MLPH: variants seen among roughly 807,000 people sequenced by gnomAD.
MLPH encodes the protein melanophilin, also known as exophilin-3.
In MLPH, 51 loss-of-function variants were observed where a neutral mutation model predicts 72.1. That is an observed-to-expected ratio of 0.71 (90% CI 0.56 to 0.89). MLPH has a LOEUF of 0.89. MLPH is among the 40% of genes least tolerant of loss of function. The pLI, the probability that MLPH is intolerant of heterozygous loss-of-function variation, is 0.00. For synonymous variants in MLPH, 301 were observed against 310.1 expected, an observed-to-expected ratio of 0.97 and a Z score of 0.31; for missense variants, 743 against 759.9, an observed-to-expected ratio of 0.98 and a Z score of 0.26.
At chr2:237,507,062 C>CTTTTTTTTTTTTT (rs61091364) in intron 2 of MLPH, among the ~76,000 whole-genome samples, 78 of 94,514 alleles carry the variant, frequency 8.3e-4, no homozygotes, top group East Asian at 1.9e-3. Context: ...TTTTTTTTTT[C>CTTTTTTTTTTTTT]TTTTTTTTTT....
In MLPH at chr2:237,505,605, C is replaced by A. The variant is rs2079751359; in HGVS notation, c.111-4969C>A. Among the ~76,000 whole-genome samples the A allele has an allele frequency of 6.6e-6, 1 of 152,208 alleles. No individual in the cohort carries two copies. Among genetic ancestry groups the A allele is most frequent in the Non-Finnish European group, 1.5e-5 (1 of 68,032 alleles). ...AGTATTCCTGCATGTTGCCACCACACCCCTGTCTAGATTTCACCCCAAGAG... is the reference window on the plus strand; with the variant it reads ...AGTATTCCTGCATGTTGCCACCACAACCCTGTCTAGATTTCACCCCAAGAG... On this transcript the variant is annotated intron_variant, in intron 2 of 15. Transcript: ENST00000264605. This position sits in a 1 kb window ranked among gnomAD's most constrained non-coding sequence, Gnocchi z 4.5.
chr2:237,545,426 G>A (rs1399062451), intron 12 of MLPH: 2 of 1,278,788 alleles, frequency 1.6e-6, no homozygotes, highest in Non-Finnish European at 2.0e-6. Flanking sequence ...GTTCATTTTT[G>A]TTTATTATTT....
At chr2:237,531,917 AAGT>A (rs1367194189) in intron 8 of MLPH, among the ~76,000 whole-genome samples, 16 of 152,204 alleles carry the variant, frequency 1.1e-4, no homozygotes, top group African/African-American at 3.9e-4. Context: ...GGGAAAAAAA[AAGT>A]AGAAGTTTCA....
chr2:237,501,634 C>A (rs2079648902), intron 2 of MLPH, among the ~76,000 whole-genome samples: 1 of 143,446 alleles, frequency 7.0e-6, no homozygotes, highest in South Asian at 2.2e-4. Context: ...CGAGGCCAGC[C>A]TGGCTAACAT....
At chr2:237,493,663 G>A (rs2079474982) in intron 2 of MLPH, 127 bp downstream of exon 2, 2 of 719,406 alleles carry the variant, frequency 2.8e-6, no homozygotes, top group Admixed American at 2.0e-5. Context: ...AGGAAGCCAG[G>A]TCTGGGACAC....
chr2:237,492,337 C>T (rs1257875906), intron 1 of MLPH, among the ~76,000 whole-genome samples: 1 of 152,050 alleles, frequency 6.6e-6, no homozygotes, highest in Non-Finnish European at 1.5e-5. Flanking sequence ...CGCTGCTCTG[C>T]TGAGCAGCTG....
chr2:237,524,898 C>G (rs1396589544), intron 6 of MLPH, among the ~76,000 whole-genome samples: 1 of 152,222 alleles, frequency 6.6e-6, no homozygotes, highest in Non-Finnish European at 1.5e-5. Flanking sequence ...CTGAAGACCC[C>G]TCCAGGAGGA....
intron 6 of MLPH, among the ~76,000 whole-genome samples, chr2:237,523,426 C>A (rs1456285258): frequency 6.6e-6 from 1 of 152,136 alleles, no homozygotes; most frequent in African/African-American, 2.4e-5. Context: ...CCAAGACCAA[C>A]GGTAACTCTA....
intron 2 of MLPH, among the ~76,000 whole-genome samples, chr2:237,504,690 G>A (rs967694690): frequency 3.3e-5 from 5 of 152,152 alleles, no homozygotes; most frequent in African/African-American, 7.2e-5. Flanking sequence ...GATTTTGCCC[G>A]CCCTATAACA....
chr2:237,542,769 G>A, intron 12 of MLPH, 110 bp downstream of exon 12: 1 of 489,622 alleles, frequency 2.0e-6, no homozygotes, highest in African/African-American at 7.9e-5. Context: ...AGTGGTGAGT[G>A]GGGACAGTGG....
At chr2:237,501,940 C>T (rs927702038) in intron 2 of MLPH, among the ~76,000 whole-genome samples, 1 of 152,182 alleles carries the variant, frequency 6.6e-6, no homozygotes, top group African/African-American at 2.4e-5. Context: ...CTTGCTGTAT[C>T]TTTTAAGTCT....
intron 9 of MLPH, 140 bp from the exon 10 acceptor site, chr2:237,540,208 C>T: frequency 1.1e-6 from 1 of 925,374 alleles, no homozygotes; most frequent in Non-Finnish European, 1.6e-6. Context: ...GTTGGACAAG[C>T]TGGCATGGAG....
chr2:237,552,355 T>G lies in MLPH; in HGVS notation c.1694T>G (p.Phe565Cys). Residue 565 changes from phenylalanine to cysteine, a missense_variant, in exon 15 of 16, where the codon TTT (phenylalanine) becomes TGT (cysteine). Coordinates refer to ENST00000264605, the MANE Select transcript of MLPH (RefSeq NM_024101.7). ...CCCAAAGGTAAAGATGATGATTCTT[T>G]TGATCGGAAATCAGTGTACCGAGGC... Reference protein sequence around the residue: ...LKSQGKDDDSFDRKSVYRGSL... With the variant: ...LKSQGKDDDSCDRKSVYRGSL... 1 of 1,614,124 alleles carries G rather than the reference T, an allele frequency of 6.2e-7. No homozygotes were observed. The highest frequency in any genetic ancestry group is 8.5e-7 in the Non-Finnish European group (1 of 1,179,992).
chr2:237,510,898 C>G lies in MLPH; in HGVS notation c.333-91C>G, dbSNP rs575764459. The stretch of plus-strand genomic sequence containing the variant: ...AAGGGTGGACGCACACATGCACACA[C>G]TCGTGTGTGTGTGTGTGTGTGTGTG... On this transcript the variant is annotated intron_variant, in intron 3 of 15. Transcript: ENST00000264605. This position sits in a 1 kb window ranked among gnomAD's most constrained non-coding sequence, Gnocchi z 4.4. 5.0e-5 allele frequency: 70 copies of G among 1,411,398 alleles called. 1 individual carries two copies. The East Asian group carries it at 1.2e-3, about 24-fold the overall frequency. 87.4% of individuals were successfully genotyped at this position (1,411,398 alleles called of 1,614,324 possible). A position where few individuals can be genotyped will look rare whatever the true frequency, so the allele number is the denominator to read the frequency against.
chr2:237,512,125 G>A lies in MLPH; in HGVS notation c.445+1024G>A, dbSNP rs1369718526. Among the ~76,000 whole-genome samples, 1 of 152,228 alleles carries A rather than the reference G, an allele frequency of 6.6e-6. No homozygotes were observed. Among genetic ancestry groups the A allele is most frequent in the Non-Finnish European group, 1.5e-5 (1 of 68,036 alleles). On this transcript the variant is annotated intron_variant, in intron 4 of 15. Coordinates refer to ENST00000264605, the MANE Select transcript of MLPH (RefSeq NM_024101.7). The surrounding 1 kb of genome is among the most constrained non-coding windows in gnomAD (Gnocchi z 5.5). The stretch of plus-strand genomic sequence containing the variant: ...GCGCCTGGCTCCGGCAGCTGGGCAC[G>A]TCCAGGGCAGAGGCTGTGCTTCTGG...
intron 4 of MLPH, among the ~76,000 whole-genome samples, chr2:237,513,047 C>T (rs78512526): frequency 0.024 from 3,518 of 147,112 alleles, 56 homozygotes; most frequent in South Asian, 0.075. Context: ...CCTGTAACTA[C>T]AACATTAAAA....
intron 2 of MLPH, among the ~76,000 whole-genome samples, chr2:237,499,920 A>T (rs2079611643): frequency 6.6e-6 from 1 of 151,892 alleles, no homozygotes; most frequent in South Asian, 2.1e-4. Flanking sequence ...AATTTTTTAA[A>T]TTTTTTGTAG....
intron 7 of MLPH, 94 bp downstream of exon 7, chr2:237,525,899 C>G (rs751683897): frequency 1.6e-6 from 2 of 1,247,476 alleles, no homozygotes. Flanking sequence ...ATCCAACACA[C>G]GGGCTGATTT....
At chr2:237,546,787 C>A in intron 13 of MLPH, 104 bp downstream of exon 13, 1 of 927,840 alleles carries the variant, frequency 1.1e-6, no homozygotes, top group South Asian at 1.3e-5. Flanking sequence ...ATGCAATGTC[C>A]TCACAGCTAC....
Sources: allele counts gnomAD v4.1 joint callset (sites outside exome capture counted in the v4.1 genomes callset), GRCh38; gene constraint gnomAD v4.1.1; non-coding constraint Gnocchi (gnomAD v3.1); transcripts MANE v1.5; gene names NCBI Gene and HGNC (gene_info 2026-07-23, HGNC 2026-07-21).